The following BACH2 variants were observed in gnomAD, a reference collection of about 807,000 sequenced individuals.
BACH2 encodes transcription regulator protein BACH2.
Under a neutral mutation model 61.8 loss-of-function variants are expected in BACH2, and 5 were observed. The ratio of observed to expected loss-of-function variants is 0.08; its 90% CI spans 0.04 to 0.17. The LOEUF is 0.17. BACH2 is among the 10% of genes least tolerant of loss of function. BACH2 has a pLI of 1.00. For missense variants in BACH2, 824 were observed against 1,091.1 expected (o/e 0.76, Z 3.45); for synonymous variants, 446 against 440.1 (o/e 1.01, Z -0.17).
At chr6:90,260,629 T>C (rs1205253914) in intron 2 of BACH2, among the ~76,000 whole-genome samples, 2 of 152,248 alleles carry the variant, frequency 1.3e-5, no homozygotes, top group African/African-American at 2.4e-5. Context: ...GTACATGTTG[T>C]TGAACTGAGA....
chr6:90,219,893 C>A (rs147867923), intron 3 of BACH2, among the ~76,000 whole-genome samples: 24 of 152,232 alleles, frequency 1.6e-4, no homozygotes, highest in African/African-American at 5.3e-4. Context: ...CTGCAAATAA[C>A]CAACTTAACT....
intron 5 of BACH2, among the ~76,000 whole-genome samples, chr6:90,065,383 G>T (rs919547991): frequency 1.4e-5 from 2 of 146,210 alleles, no homozygotes; most frequent in Non-Finnish European, 3.0e-5. Context: ...AGTCATCCCA[G>T]GGGAGGCCTC....
chr6:90,039,536 T>C (rs578241582), intron 5 of BACH2, among the ~76,000 whole-genome samples: 2 of 152,214 alleles, frequency 1.3e-5, no homozygotes, highest in African/African-American at 4.8e-5. Context: ...AGGTGCGTGC[T>C]ACCACGGCCG....
At chr6:89,956,303 C>T (rs1455513975) in intron 6 of BACH2, among the ~76,000 whole-genome samples, 1 of 152,118 alleles carries the variant, frequency 6.6e-6, no homozygotes, top group Non-Finnish European at 1.5e-5. Flanking sequence ...GGGGGCGAGA[C>T]CTCGGAGAAG....
chr6:90,126,188 T>C (rs576686873), intron 4 of BACH2, among the ~76,000 whole-genome samples: 4 of 152,368 alleles, frequency 2.6e-5, no homozygotes, highest in South Asian at 2.1e-4. Flanking sequence ...CATGACTTTA[T>C]AGAACAGGTT....
chr6:90,010,274 C>T (rs1036876605), intron 5 of BACH2, among the ~76,000 whole-genome samples: 6 of 152,150 alleles, frequency 3.9e-5, no homozygotes, highest in South Asian at 2.1e-4. Context: ...TGTACCCCAC[C>T]GCTACAACGA....
chr6:90,137,468 G>A (rs1784308106), intron 4 of BACH2, among the ~76,000 whole-genome samples: 1 of 152,060 alleles, frequency 6.6e-6, no homozygotes, highest in South Asian at 2.1e-4. Context: ...ATTAGGGTGG[G>A]GCAAGGAGAA....
chr6:90,225,428 T>C (rs1208750036), intron 3 of BACH2, among the ~76,000 whole-genome samples: 1 of 151,998 alleles, frequency 6.6e-6, no homozygotes, highest in East Asian at 1.9e-4. Context: ...TTGTGAAATT[T>C]AGAGTTAGTG....
At chr6:89,943,449 T>C (rs1773554747) in intron 7 of BACH2, among the ~76,000 whole-genome samples, 1 of 151,700 alleles carries the variant, frequency 6.6e-6, no homozygotes, top group African/African-American at 2.4e-5. Flanking sequence ...GTAAGTATTA[T>C]ATAAAAATTA....
chr6:90,136,524 C>A (rs1454612169), intron 4 of BACH2, among the ~76,000 whole-genome samples: 1 of 152,068 alleles, frequency 6.6e-6, no homozygotes, highest in East Asian at 1.9e-4. Flanking sequence ...AGAAGGCACC[C>A]TAGAAACACC....
At chr6:90,023,466 T>G (rs1206714595) in intron 5 of BACH2, among the ~76,000 whole-genome samples, 1 of 152,170 alleles carries the variant, frequency 6.6e-6, no homozygotes, top group Non-Finnish European at 1.5e-5. Flanking sequence ...ACTGTGATTG[T>G]AAGTTTCCTG....
intron 5 of BACH2, among the ~76,000 whole-genome samples, chr6:90,024,011 G>A (rs183411383): frequency 2.6e-5 from 4 of 152,256 alleles, no homozygotes; most frequent in African/African-American, 9.6e-5. Flanking sequence ...GAGCGAGGCA[G>A]TGTTCACCAG....
intron 4 of BACH2, among the ~76,000 whole-genome samples, chr6:90,125,751 A>G (rs1783823065): frequency 6.6e-6 from 1 of 152,140 alleles, no homozygotes; most frequent in Non-Finnish European, 1.5e-5. Context: ...TCACACAGGC[A>G]CCCACCTTGG....
intron 6 of BACH2, among the ~76,000 whole-genome samples, chr6:89,978,105 C>T (rs905265506): frequency 1.3e-5 from 2 of 152,136 alleles, no homozygotes; most frequent in South Asian, 2.1e-4. Context: ...AAATAAACCG[C>T]ATTTTCAAGT....
chr6:90,080,078 C>T (rs770257910), intron 5 of BACH2, among the ~76,000 whole-genome samples: 5 of 152,174 alleles, frequency 3.3e-5, no homozygotes, highest in Middle Eastern at 3.4e-3. Flanking sequence ...GCCAATCTTC[C>T]GCAAAGAAAT....
chr6:90,054,172 G>A (rs57468352), intron 5 of BACH2, among the ~76,000 whole-genome samples: 13 of 152,230 alleles, frequency 8.5e-5, no homozygotes, highest in Non-Finnish European at 8.8e-5. Flanking sequence ...GGGAGGCATC[G>A]CCTCACTCGG....
At chr6:90,019,442 T>G (rs1778259086) in intron 5 of BACH2, among the ~76,000 whole-genome samples, 2 of 152,326 alleles carry the variant, frequency 1.3e-5, no homozygotes, top group African/African-American at 4.8e-5. Context: ...TTGACCAACT[T>G]TGTGGATCTG....
chr6:90,091,839 G>C (rs1289710014), intron 4 of BACH2, among the ~76,000 whole-genome samples: 1 of 152,034 alleles, frequency 6.6e-6, no homozygotes, highest in Non-Finnish European at 1.5e-5. Context: ...ATGATCAAAA[G>C]ACCAAAGAGA....
Position 89,932,390 on chromosome 6 carries a change from G to A in BACH2, c.*18C>T, listed in dbSNP as rs886691640. On this transcript the variant is annotated 3_prime_UTR_variant, in exon 9 of 9. Coordinates refer to ENST00000257749, the MANE Select transcript of BACH2 (RefSeq NM_021813.4). ...CTGGATGGGAGAGGTGTGCGGACTG[G>A]GAGGCAGAGCCGAGTCACTAGGTAT... 7.5e-6 allele frequency: 12 copies of A among 1,601,198 alleles called. No individual in the cohort carries two copies. Among genetic ancestry groups the A allele is most frequent in the Admixed American group, 5.0e-5 (3 of 59,800 alleles).
Sources: allele counts gnomAD v4.1 joint callset (sites outside exome capture counted in the v4.1 genomes callset), GRCh38; gene constraint gnomAD v4.1.1; transcripts MANE v1.5; gene names NCBI Gene and HGNC (gene_info 2026-07-23, HGNC 2026-07-21).